Variants in NIPBL observed in about 807,000 individuals in gnomAD.
NIPBL encodes NIPBL cohesin loading factor, also known as nipped-B-like protein.
In NIPBL, 19 loss-of-function variants were observed where a neutral mutation model predicts 321.8. That is an observed-to-expected ratio of 0.06 (90% CI 0.04 to 0.09). The LOEUF (loss-of-function observed/expected upper bound fraction) is 0.09. NIPBL is among the 10% of genes least tolerant of loss of function. NIPBL has a pLI of 1.00. For synonymous variants in NIPBL, 1,106 were observed against 1,114.1 expected (o/e 0.99, Z 0.14); for missense variants, 2,210 against 3,327.0 (o/e 0.66, Z 8.26).
intron 1 of NIPBL, among the ~76,000 whole-genome samples, chr5:36,895,672 C>A (rs1746677676): frequency 6.6e-6 from 1 of 152,148 alleles, no homozygotes; most frequent in Non-Finnish European, 1.5e-5. Context: ...GAAGTGGTAT[C>A]TCTGTGTGGC....
intron 18 of NIPBL, 66 bp from the exon 19 acceptor site, chr5:37,007,942 T>C: frequency 2.1e-6 from 2 of 966,818 alleles, no homozygotes; most frequent in South Asian, 1.3e-5. Flanking sequence ...TATTGGAATT[T>C]AGTAAGATAG....
intron 33 of NIPBL, 128 bp downstream of exon 33, chr5:37,036,615 T>C (rs1418443688): frequency 6.3e-6 from 2 of 317,986 alleles, no homozygotes; most frequent in African/African-American, 4.4e-5. Context: ...TTAAATGAAA[T>C]ACATTTTTGT....
intron 10 of NIPBL, among the ~76,000 whole-genome samples, chr5:36,988,963 G>C (rs962654448): frequency 6.6e-6 from 1 of 152,038 alleles, no homozygotes. Context: ...TGTTACATTT[G>C]ATTTGATTTC....
At chr5:36,958,798 A>G (rs1289897527) in intron 4 of NIPBL, among the ~76,000 whole-genome samples, 1 of 152,184 alleles carries the variant, frequency 6.6e-6, no homozygotes, top group Non-Finnish European at 1.5e-5. Flanking sequence ...GTTCTGTTCA[A>G]GCTTACTGAA....
At chr5:36,970,377 T>G (rs533453126) in intron 6 of NIPBL, among the ~76,000 whole-genome samples, 86 of 149,032 alleles carry the variant, frequency 5.8e-4, no homozygotes, top group Non-Finnish European at 7.4e-4. Context: ...CAGAGCTGTC[T>G]GTAAAAAAAA....
At chr5:36,890,098 G>T (rs1195770433) in intron 1 of NIPBL, among the ~76,000 whole-genome samples, 1 of 151,876 alleles carries the variant, frequency 6.6e-6, no homozygotes, top group East Asian at 1.9e-4. Context: ...GATTTTCCTA[G>T]TTTTCTATAT....
intron 30 of NIPBL, among the ~76,000 whole-genome samples, chr5:37,025,019 G>C (rs1750097263): frequency 6.6e-6 from 1 of 152,130 alleles, no homozygotes; most frequent in Admixed American, 6.6e-5. Context: ...ATGGCTTGAG[G>C]CCAGGAGTTG....
chr5:37,036,470 A>G lies in NIPBL; in HGVS notation c.5954A>G (p.Tyr1985Cys), dbSNP rs1751709545. ...AACCTAGTTGAGCACATTCTTAAAT[A>G]TGAGGAATCTCTAGCTGGTAAGACA... ...VDNLVEHILK[Y>C]EESLADSDNK... Residue 1985 changes from tyrosine (Y) to cysteine (C), a missense_variant, in exon 33 of 47, where the codon TAT (tyrosine) becomes TGT (cysteine). Tyr to Cys is a radical substitution (Grantham distance 194). Around this residue, in one of 14 missense-constraint regions of NIPBL, gnomAD observed 69 missense variants for 100.8 expected, o/e 0.68. Transcript: ENST00000282516. 1 of 1,427,276 alleles carries G rather than the reference A, an allele frequency of 7.0e-7. No homozygotes were observed. The highest frequency in any genetic ancestry group is 9.4e-7 in the Non-Finnish European group (1 of 1,062,442). The allele number at this position is 1,427,276 out of a possible 1,614,324, so 88.4% of individuals were successfully genotyped here. A position where few individuals can be genotyped will look rare whatever the true frequency, so the allele number is the denominator to read the frequency against.
chr5:37,013,617 G>A lies in NIPBL; in HGVS notation c.4561-1066G>A, dbSNP rs1748526472. Among the ~76,000 whole-genome samples the A allele has an allele frequency of 5.3e-5, 8 of 151,958 alleles. No homozygotes were observed. The South Asian group carries it at 1.5e-3, about 28-fold the overall frequency. ...CCCACATCTCAGACGATGGGTGGCC[G>A]GGCAGAGACGCTCCTCACTTCCCAG... On this transcript the variant is annotated intron_variant, in intron 21 of 46. Transcript: ENST00000282516.
chr5:37,023,458 A>G (rs910740580), intron 29 of NIPBL, among the ~76,000 whole-genome samples: 2 of 152,164 alleles, frequency 1.3e-5, no homozygotes, highest in Non-Finnish European at 2.9e-5. Flanking sequence ...CCTTGTACCT[A>G]CCTCCATACT....
At chr5:36,884,282 T>C (rs1745722683) in intron 1 of NIPBL, among the ~76,000 whole-genome samples, 3 of 152,170 alleles carry the variant, frequency 2.0e-5, no homozygotes, top group Admixed American at 1.3e-4. Flanking sequence ...TTACTTTCCC[T>C]GATGAAACCC....
intron 6 of NIPBL, among the ~76,000 whole-genome samples, chr5:36,963,639 A>C (rs1401321690): frequency 7.0e-6 from 1 of 143,680 alleles, no homozygotes; most frequent in East Asian, 2.0e-4. Flanking sequence ...CTGTCTCTAC[A>C]AAAAAAAAAA....
rs371306481 is a variant in NIPBL at position 37,025,568 on chromosome 5, C to A, written c.5710-661C>A. ...TTGGTTCACAGTTATCAAAAATACA[C>A]CCAGAAGGAATAAAATTTAGTGTTC... On this transcript the variant is annotated intron_variant, in intron 30 of 46. Coordinates refer to ENST00000282516, the MANE Select transcript of NIPBL (RefSeq NM_133433.4). Among the ~76,000 whole-genome samples, 3 of 151,918 alleles carry A rather than the reference C, an allele frequency of 2.0e-5. No individual in the cohort carries two copies. The South Asian group carries it at 6.3e-4, about 32-fold the overall frequency.
chr5:36,897,848 G>T (rs1195229892), intron 1 of NIPBL, among the ~76,000 whole-genome samples: 1 of 142,676 alleles, frequency 7.0e-6, no homozygotes, highest in Non-Finnish European at 1.5e-5. Context: ...GTCAGTAAGT[G>T]ATTTTCAGTA....
intron 1 of NIPBL, among the ~76,000 whole-genome samples, chr5:36,879,274 G>A (rs114179583): frequency 2.6e-3 from 400 of 152,252 alleles, no homozygotes; most frequent in African/African-American, 9.3e-3. Flanking sequence ...TTAGAGATGG[G>A]TTTATGTGAT....
chr5:37,055,805 A>G lies in NIPBL; in HGVS notation c.7264-1381A>G, dbSNP rs1349046773. 3.3e-5 allele frequency among the ~76,000 whole-genome samples: 5 copies of G among 152,246 alleles called. No homozygotes were observed. In the East Asian group the frequency reaches 7.7e-4, roughly 24 times the overall value. ...ATGATAGCTTGAGCCCAGGAGTTCC[A>G]TACCAGCCTGGGCAACATAGTGAGA... On this transcript the variant is annotated intron_variant, in intron 42 of 46. Transcript: ENST00000282516.
At chr5:36,947,917 G>C (rs1307574753) in intron 1 of NIPBL, among the ~76,000 whole-genome samples, 1 of 151,708 alleles carries the variant, frequency 6.6e-6, no homozygotes, top group Admixed American at 6.6e-5. Flanking sequence ...TATTTAGCTT[G>C]GTTGATGAGC....
At position 36,976,173 on chromosome 5, in the gene NIPBL, G is replaced by A; in HGVS notation, c.1266G>A (p.Gln422=). The A allele has an allele frequency of 3.1e-6, 5 of 1,612,776 alleles. No individual in the cohort carries two copies. Among genetic ancestry groups the A allele is most frequent in the Non-Finnish European group, 4.2e-6 (5 of 1,179,180 alleles). The change falls in exon 9 of 47, where the codon CAG becomes CAA. Residue 422 remains glutamine (Q), a synonymous_variant. Coordinates refer to ENST00000282516, the MANE Select transcript of NIPBL (RefSeq NM_133433.4). ...TAAATGCTGCTCAATGTTTGTCGCA[G>A]CAAGAACAAACAGCATTCCTTCCAG... ...RPLNAAQCLS[Q]QEQTAFLPAN...
At chr5:36,979,866 A>G (rs893080596) in intron 9 of NIPBL, among the ~76,000 whole-genome samples, 1 of 151,736 alleles carries the variant, frequency 6.6e-6, no homozygotes, top group Non-Finnish European at 1.5e-5. Context: ...ACAATATCAC[A>G]ATTCCCTGAC....
Sources: gnomAD v4.1 joint callset for allele counts (sites outside exome capture counted in the v4.1 genomes callset) on GRCh38, gnomAD v4.1.1 for gene constraint, gnomAD v4.1.1 regional missense constraint, MANE v1.5 for transcripts, NCBI Gene and HGNC (gene_info 2026-07-23, HGNC 2026-07-21) for gene names.